GPC5: variants seen among roughly 807,000 people sequenced by gnomAD.
GPC5 encodes glypican 5, also known as glypican-5.
A neutral mutation model predicts 53.9 loss-of-function variants in GPC5; 47 were observed. The observed-to-expected ratio is 0.87, with a 90% CI of 0.69 to 1.11. GPC5 has a LOEUF of 1.11. Among genes scored for constraint, GPC5 ranks in the 50% most tolerant of loss-of-function variants. The pLI is 0.00. For synonymous variants in GPC5, 286 were observed against 263.3 expected (o/e 1.09, Z -0.84); for missense variants, 748 against 713.1 (o/e 1.05, Z -0.56).
At chr13:91,624,613 TAATC>T (rs905971493) in intron 2 of GPC5, among the ~76,000 whole-genome samples, 3 of 152,024 alleles carry the variant, frequency 2.0e-5, no homozygotes, top group South Asian at 2.1e-4. Context: ...CTATAAAAAT[TAATC>T]AACCATATGC....
intron 7 of GPC5, among the ~76,000 whole-genome samples, chr13:92,261,998 T>C (rs1387793304): frequency 6.6e-6 from 1 of 152,158 alleles, no homozygotes; most frequent in Non-Finnish European, 1.5e-5. Context: ...GGTTTTGCCA[T>C]ATGTCCAGTA....
chr13:91,826,187 TGA>T (rs200871612), intron 5 of GPC5, among the ~76,000 whole-genome samples: 2 of 65,272 alleles, frequency 3.1e-5, no homozygotes, highest in African/African-American at 1.2e-4. Context: ...ATTAAATAAA[TGA>T]TGAGATGTCT....
intron 7 of GPC5, among the ~76,000 whole-genome samples, chr13:92,149,288 A>G (rs1435301695): frequency 6.6e-6 from 1 of 152,094 alleles, no homozygotes; most frequent in Non-Finnish European, 1.5e-5. Flanking sequence ...TTATGAAAAT[A>G]ATAAGGTTCC....
chr13:92,362,947 A>G (rs1201456633), intron 7 of GPC5, among the ~76,000 whole-genome samples: 1 of 151,708 alleles, frequency 6.6e-6, no homozygotes, highest in Admixed American at 6.5e-5. Flanking sequence ...GCTATTGCAC[A>G]GGACGGGAAA....
At chr13:92,105,957 G>A (rs2041506167) in intron 6 of GPC5, among the ~76,000 whole-genome samples, 1 of 151,914 alleles carries the variant, frequency 6.6e-6, no homozygotes, top group East Asian at 1.9e-4. Flanking sequence ...ATAAATGGAA[G>A]AATACAGTAT....
chr13:91,828,182 C>G (rs2038603308), intron 5 of GPC5, among the ~76,000 whole-genome samples: 2 of 152,016 alleles, frequency 1.3e-5, no homozygotes, highest in African/African-American at 4.8e-5. Flanking sequence ...TCTCAGATTA[C>G]TTTAATGTTT....
intron 7 of GPC5, among the ~76,000 whole-genome samples, chr13:92,283,896 C>G (rs1338044647): frequency 2.0e-5 from 3 of 152,068 alleles, no homozygotes; most frequent in Admixed American, 1.3e-4. Flanking sequence ...AAGATCAGAG[C>G]AGAACTGAAG....
At chr13:91,561,374 G>T (rs917465846) in intron 2 of GPC5, among the ~76,000 whole-genome samples, 3 of 152,058 alleles carry the variant, frequency 2.0e-5, no homozygotes, top group Admixed American at 1.3e-4. Flanking sequence ...GCATCTTTGG[G>T]GGAACTGAAG....
At chr13:91,883,455 A>C (rs551446441) in intron 5 of GPC5, among the ~76,000 whole-genome samples, 1 of 152,334 alleles carries the variant, frequency 6.6e-6, no homozygotes, top group South Asian at 2.1e-4. Context: ...GTCACACATG[A>C]CAATTACACA....
At chr13:92,401,315 A>G (rs896923804) in intron 7 of GPC5, among the ~76,000 whole-genome samples, 3 of 151,892 alleles carry the variant, frequency 2.0e-5, no homozygotes, top group South Asian at 2.1e-4. Flanking sequence ...TCCTGTGTAG[A>G]TGTATATTAA....
At chr13:92,370,804 T>C (rs1438187116) in intron 7 of GPC5, among the ~76,000 whole-genome samples, 1 of 152,188 alleles carries the variant, frequency 6.6e-6, no homozygotes, top group African/African-American at 2.4e-5. Context: ...ATTCATATTG[T>C]TTTCTTAAAC....
At chr13:92,257,037 A>T (rs1315651387) in intron 7 of GPC5, among the ~76,000 whole-genome samples, 1 of 139,760 alleles carries the variant, frequency 7.2e-6, no homozygotes, top group East Asian at 1.9e-4. Context: ...AGATATCTAA[A>T]ATAGTCATGC....
At chr13:92,443,123 A>AG (rs1566592487) in intron 7 of GPC5, among the ~76,000 whole-genome samples, 2 of 152,160 alleles carry the variant, frequency 1.3e-5, no homozygotes, top group African/African-American at 4.8e-5. Flanking sequence ...TGGAAGGAGA[A>AG]GGGGGAGCAG....
rs550064260 is a variant in GPC5, at chr13:92,265,988, C to T, written c.1561+120999C>T. Among the ~76,000 whole-genome samples, 21 of 152,292 alleles carry T rather than the reference C, an allele frequency of 1.4e-4. No individual in the cohort carries two copies. The South Asian group carries it at 4.1e-3, about 30-fold the overall frequency. On this transcript the variant is annotated intron_variant, in intron 7 of 7. Transcript: ENST00000377067. ...AGAAAGCAAGAGGGGACTGAACTTG[C>T]TGTTTTATAACAAACCCACCCCCGT...
chr13:92,260,066 C>T (rs969251025), intron 7 of GPC5, among the ~76,000 whole-genome samples: 2 of 152,276 alleles, frequency 1.3e-5, no homozygotes, highest in Admixed American at 1.3e-4. Flanking sequence ...CTGTTTCATA[C>T]ATAAGTCAAG....
intron 6 of GPC5, among the ~76,000 whole-genome samples, chr13:91,969,170 T>C (rs1301207112): frequency 3.3e-5 from 5 of 152,104 alleles, no homozygotes; most frequent in Non-Finnish European, 7.4e-5. Context: ...GGTTTCCCCA[T>C]GTTGGTCAGG....
At chr13:92,549,944 G>A (rs980883080) in intron 7 of GPC5, among the ~76,000 whole-genome samples, 7 of 134,314 alleles carry the variant, frequency 5.2e-5, no homozygotes, top group Non-Finnish European at 1.1e-4. Context: ...ATACTTTGGA[G>A]GCTTGATATA....
intron 2 of GPC5, among the ~76,000 whole-genome samples, chr13:91,634,863 C>A (rs576273220): frequency 6.6e-6 from 1 of 152,192 alleles, no homozygotes; most frequent in African/African-American, 2.4e-5. Context: ...AATTTATTCA[C>A]AACAACATTC....
intron 7 of GPC5, among the ~76,000 whole-genome samples, chr13:92,721,930 T>C (rs941628990): frequency 1.3e-5 from 2 of 151,958 alleles, no homozygotes; most frequent in Non-Finnish European, 2.9e-5. Flanking sequence ...ATTTGGGAAA[T>C]AGCTATTTAG....
Sources: gnomAD v4.1 joint callset for allele counts (sites outside exome capture counted in the v4.1 genomes callset) on GRCh38, gnomAD v4.1.1 for gene constraint, MANE v1.5 for transcripts, NCBI Gene and HGNC (gene_info 2026-07-23, HGNC 2026-07-21) for gene names.